ZC3H3: variants seen among roughly 807,000 people sequenced by gnomAD.
ZC3H3 encodes the protein zinc finger CCCH-type containing 3.
ZC3H3 carries 36 observed loss-of-function variants against 77.3 expected under a neutral mutation model. The ratio of observed to expected loss-of-function variants is 0.47; its 90% CI spans 0.36 to 0.61. The LOEUF (loss-of-function observed/expected upper bound fraction) is 0.61, where lower values mean the gene tolerates loss of function less well. Ranked by LOEUF, ZC3H3 falls within the 20% of genes least tolerant of loss-of-function variation. ZC3H3 has a pLI of 0.00. For synonymous variants in ZC3H3, 626 were observed against 555.2 expected (o/e 1.13, Z -1.79); for missense variants, 1,331 against 1,312.2 (o/e 1.01, Z -0.22).
intron 3 of ZC3H3, among the ~76,000 whole-genome samples, chr8:143,523,860 G>A (rs951938610): frequency 2.6e-5 from 4 of 152,274 alleles, no homozygotes; most frequent in Non-Finnish European, 4.4e-5. Context: ...CGGGGCCGCA[G>A]GATGATGGAG....
chr8:143,508,222 T>A (rs954041686), intron 3 of ZC3H3, among the ~76,000 whole-genome samples: 3 of 152,206 alleles, frequency 2.0e-5, no homozygotes, highest in Non-Finnish European at 4.4e-5. Flanking sequence ...CGGGGATGCC[T>A]TGGAGTCCCC....
At chr8:143,516,981 G>A (rs749838617) in intron 3 of ZC3H3, among the ~76,000 whole-genome samples, 1 of 152,184 alleles carries the variant, frequency 6.6e-6, no homozygotes, top group African/African-American at 2.4e-5. Flanking sequence ...TGTGGGATCC[G>A]TGCTCTCTGT....
chr8:143,490,732 T>C (rs775751160), intron 4 of ZC3H3, among the ~76,000 whole-genome samples: 7 of 152,152 alleles, frequency 4.6e-5, no homozygotes, highest in Non-Finnish European at 8.8e-5. Flanking sequence ...CTGGCCAACA[T>C]GGTGAAACCC....
chr8:143,483,369 C>T (rs1233736116), intron 4 of ZC3H3, among the ~76,000 whole-genome samples: 3 of 152,184 alleles, frequency 2.0e-5, no homozygotes, highest in African/African-American at 4.8e-5. Flanking sequence ...CTGCGGCCCC[C>T]GAATGGGTTG....
chr8:143,466,184 C>A (rs925097171), intron 8 of ZC3H3, among the ~76,000 whole-genome samples: 2 of 152,200 alleles, frequency 1.3e-5, no homozygotes, highest in Non-Finnish European at 2.9e-5. Context: ...GCAGCCAGGG[C>A]TCCCAACCAC....
chr8:143,491,020 G>A (rs1456078566), intron 4 of ZC3H3, among the ~76,000 whole-genome samples: 1 of 152,266 alleles, frequency 6.6e-6, no homozygotes, highest in East Asian at 1.9e-4. Flanking sequence ...CGGGTGACAA[G>A]GACATTTTAT....
At position 143,507,800 on chromosome 8, in the gene ZC3H3, G is replaced by A. The variant is rs781026817; in HGVS notation, c.1661C>T (p.Pro554Leu). The change falls in exon 4 of 12, where the codon CCG becomes CTG. Residue 554 changes from proline to leucine, a missense_variant. By Grantham distance (98) the Pro-to-Leu change is moderately conservative. This residue lies in a region of ZC3H3 where 978 missense variants were observed against 915.5 expected (regional missense o/e 1.07). Coordinates refer to ENST00000262577, the MANE Select transcript of ZC3H3 (RefSeq NM_015117.3). The part of the protein sequence containing the change: ...KKTPASPLSA[P>L]PFPLSLPSWR... ...GGAGGGCAGAGACAGGGGGAAGGGC[G>A]GGGCGCTGAGAGGCGAGGCCGGCGT... is the stretch of plus-strand genomic sequence containing the variant. The A allele has an allele frequency of 6.2e-5, 99 of 1,605,996 alleles. 1 individual carries two copies. The highest frequency in any genetic ancestry group is 8.3e-5 in the Admixed American group (5 of 59,892).
intron 9 of ZC3H3, among the ~76,000 whole-genome samples, chr8:143,455,649 G>GC (rs1820097895): frequency 1.3e-5 from 2 of 152,220 alleles, no homozygotes; most frequent in African/African-American, 4.8e-5. Flanking sequence ...AAAAGTTAGG[G>GC]CTACAGTGTG....
chr8:143,532,127 C>A (rs930289587), intron 3 of ZC3H3, among the ~76,000 whole-genome samples: 2 of 152,268 alleles, frequency 1.3e-5, no homozygotes, highest in Non-Finnish European at 2.9e-5. Flanking sequence ...TTATCTGCCA[C>A]TTGAAATGAA....
chr8:143,536,945 C>T (rs564996907), intron 2 of ZC3H3, among the ~76,000 whole-genome samples: 8 of 152,108 alleles, frequency 5.3e-5, no homozygotes, highest in South Asian at 2.1e-4. Context: ...GAGTTGCCAC[C>T]GAGAAACAGC....
In ZC3H3 at chr8:143,465,961, C is replaced by G. The variant is rs572718127; in HGVS notation, c.2176-113G>C. The G allele has an allele frequency of 2.8e-6, 4 of 1,413,734 alleles. No individual in the cohort carries two copies. The East Asian group carries it at 1.0e-4, about 35-fold the overall frequency. The allele number at this position is 1,413,734 out of a possible 1,614,324, so 87.6% of individuals were successfully genotyped here. The stretch of plus-strand genomic sequence containing the variant: ...CCGAGAGAGAAATGGACACGCGGCA[C>G]CAGCAGGCAGGAAGGGCAGCCACCA... On this transcript the variant is annotated intron_variant, in intron 8 of 11. Transcript: ENST00000262577.
chr8:143,531,338 G>T (rs1312754118), intron 3 of ZC3H3, among the ~76,000 whole-genome samples: 1 of 152,108 alleles, frequency 6.6e-6, no homozygotes, highest in Non-Finnish European at 1.5e-5. Context: ...GAAGGCAAGG[G>T]GCACACTGAC....
chr8:143,528,173 C>T (rs568413670), intron 3 of ZC3H3, among the ~76,000 whole-genome samples: 7 of 152,348 alleles, frequency 4.6e-5, no homozygotes, highest in African/African-American at 1.7e-4. Context: ...CTGCGGTGCA[C>T]CTCGGGCCCT....
rs1046485491 is a variant in ZC3H3 at position 143,516,961 on chromosome 8, G to T, written c.1562-9062C>A. 3.3e-5 allele frequency among the ~76,000 whole-genome samples: 5 copies of T among 152,312 alleles called. No individual in the cohort carries two copies. The East Asian group carries it at 5.8e-4, about 18-fold the overall frequency. On this transcript the variant is annotated intron_variant, in intron 3 of 11. Coordinates refer to ENST00000262577, the MANE Select transcript of ZC3H3 (RefSeq NM_015117.3). ...ACAAATGACCGCTGTCAGCCGCCCT[G>T]TCCCCCCCGTGTGGGATCCGTGCTC...
chr8:143,524,086 C>T (rs1173875986), intron 3 of ZC3H3, among the ~76,000 whole-genome samples: 2 of 152,250 alleles, frequency 1.3e-5, no homozygotes, highest in Non-Finnish European at 2.9e-5. Context: ...CTCCCCAGCC[C>T]CTAATGGGCA....
intron 3 of ZC3H3, among the ~76,000 whole-genome samples, chr8:143,534,340 C>A (rs572182149): frequency 2.2e-4 from 33 of 151,700 alleles, no homozygotes; most frequent in Middle Eastern, 3.4e-3. Context: ...GGCAGGACCG[C>A]AGCAGCCCCT....
intron 9 of ZC3H3, among the ~76,000 whole-genome samples, chr8:143,446,218 C>G (rs1400462714): frequency 6.6e-6 from 1 of 152,154 alleles, no homozygotes; most frequent in Non-Finnish European, 1.5e-5. Context: ...GTAAACACAA[C>G]AAAATATTTA....
chr8:143,469,883 T>C (rs1319057658), intron 5 of ZC3H3, among the ~76,000 whole-genome samples: 1 of 152,178 alleles, frequency 6.6e-6, no homozygotes, highest in Non-Finnish European at 1.5e-5. Context: ...AATGCTGAAA[T>C]GGACACTGCA....
At chr8:143,455,459 G>T (rs942647740) in intron 9 of ZC3H3, among the ~76,000 whole-genome samples, 2 of 151,826 alleles carry the variant, frequency 1.3e-5, no homozygotes, top group African/African-American at 4.8e-5. Flanking sequence ...TTGTGCCACT[G>T]CACTGCACTC....
Sources: gnomAD v4.1 joint callset for allele counts (sites outside exome capture counted in the v4.1 genomes callset) on GRCh38, gnomAD v4.1.1 for gene constraint, gnomAD v4.1.1 regional missense constraint, MANE v1.5 for transcripts, NCBI Gene and HGNC (gene_info 2026-07-23, HGNC 2026-07-21) for gene names.